ST6GALNAC5: variants seen among roughly 807,000 people sequenced by gnomAD.
ST6GALNAC5 encodes the protein ST6 N-acetylgalactosaminide alpha-2,6-sialyltransferase 5, also known as alpha-N-acetylgalactosaminide alpha-2,6-sialyltransferase 5.
ST6GALNAC5 carries 27 observed loss-of-function variants against 33.6 expected under a neutral mutation model. The observed-to-expected ratio is 0.80, with a 90% CI of 0.59 to 1.11. ST6GALNAC5 has a LOEUF of 1.11. Ranked by LOEUF, ST6GALNAC5 falls within the 50% of genes least tolerant of loss-of-function variation. The pLI is 0.00. For synonymous variants in ST6GALNAC5, 194 were observed against 171.2 expected (o/e 1.13, Z -1.04); for missense variants, 428 against 454.0 (o/e 0.94, Z 0.52).
intron 2 of ST6GALNAC5, among the ~76,000 whole-genome samples, chr1:76,991,599 C>T (rs1040690607): frequency 2.0e-5 from 3 of 152,132 alleles, no homozygotes; most frequent in Non-Finnish European, 2.9e-5. Flanking sequence ...TCTGCTAATT[C>T]TACTCCTTCT....
chr1:76,899,749 T>C (rs189338161), intron 2 of ST6GALNAC5, among the ~76,000 whole-genome samples: 2,317 of 152,118 alleles, frequency 0.015, 52 homozygotes, highest in African/African-American at 0.053. Flanking sequence ...GAGATTGAAG[T>C]GTGGCGCCAA....
At chr1:77,059,942 A>G (rs1349947433) in intron 4 of ST6GALNAC5, among the ~76,000 whole-genome samples, 1 of 151,760 alleles carries the variant, frequency 6.6e-6, no homozygotes, top group Non-Finnish European at 1.5e-5. Flanking sequence ...GACATTGTTT[A>G]TTTTGGTTCA....
chr1:76,874,963 C>T (rs746850157), intron 2 of ST6GALNAC5, among the ~76,000 whole-genome samples: 1 of 152,162 alleles, frequency 6.6e-6, no homozygotes, highest in African/African-American at 2.4e-5. Context: ...ACACCAACCC[C>T]CAACCCAAAT....
chr1:77,023,352 A>G (rs2100439097), intron 2 of ST6GALNAC5, among the ~76,000 whole-genome samples: 1 of 152,320 alleles, frequency 6.6e-6, no homozygotes, highest in South Asian at 2.1e-4. Context: ...ATCCCTAGGT[A>G]CAGCTCTGTG....
At chr1:77,055,551 A>G (rs977857011) in intron 4 of ST6GALNAC5, among the ~76,000 whole-genome samples, 4 of 152,244 alleles carry the variant, frequency 2.6e-5, no homozygotes, top group African/African-American at 4.8e-5. Flanking sequence ...ACAGCTGCCC[A>G]TGGTCATAGG....
intron 2 of ST6GALNAC5, among the ~76,000 whole-genome samples, chr1:77,005,700 T>C (rs879523486): frequency 1.4e-4 from 21 of 152,228 alleles, no homozygotes; most frequent in Non-Finnish European, 7.3e-5. Flanking sequence ...AAACAGTAGC[T>C]GTCCATTTCC....
chr1:77,013,104 G>T (rs1213734053), intron 2 of ST6GALNAC5, among the ~76,000 whole-genome samples: 1 of 152,176 alleles, frequency 6.6e-6, no homozygotes, highest in Non-Finnish European at 1.5e-5. Context: ...GAAGGCAAGG[G>T]CACCCCACAG....
At chr1:76,970,260 G>A (rs1285518339) in intron 2 of ST6GALNAC5, among the ~76,000 whole-genome samples, 3 of 151,994 alleles carry the variant, frequency 2.0e-5, no homozygotes, top group East Asian at 1.9e-4. Flanking sequence ...ACTTCTCTGA[G>A]CTAAAGGAGG....
intron 2 of ST6GALNAC5, among the ~76,000 whole-genome samples, chr1:76,969,254 C>T (rs1290403468): frequency 6.6e-6 from 1 of 152,198 alleles, no homozygotes; most frequent in African/African-American, 2.4e-5. Context: ...CAGGGGATTT[C>T]CCTTTCCTAA....
At chr1:76,938,538 GC>G (rs1647249684) in intron 2 of ST6GALNAC5, among the ~76,000 whole-genome samples, 1 of 152,018 alleles carries the variant, frequency 6.6e-6, no homozygotes, top group South Asian at 2.1e-4. Flanking sequence ...ACAAATGTGG[GC>G]TCATCTTTGT....
chr1:76,978,188 AT>A (rs1188660997), intron 2 of ST6GALNAC5, among the ~76,000 whole-genome samples: 1 of 152,058 alleles, frequency 6.6e-6, no homozygotes, highest in African/African-American at 2.4e-5. Context: ...TTATTTTGTT[AT>A]TGCATTGAGT....
At position 76,868,484 on chromosome 1, in the gene ST6GALNAC5, C is replaced by G. The variant is rs1553163260; in HGVS notation, c.16-13C>G. 16 of 1,597,002 alleles carry G rather than the reference C, an allele frequency of 1.0e-5. No individual in the cohort carries two copies. In the East Asian group the frequency reaches 3.4e-4, roughly 34 times the overall value. On this transcript the variant is annotated splice_polypyrimidine_tract_variant and intron_variant, in intron 1 of 4. Coordinates refer to ENST00000477717, the MANE Select transcript of ST6GALNAC5 (RefSeq NM_030965.3). This position sits in a 1 kb window ranked among gnomAD's most constrained non-coding sequence, Gnocchi z 4.3. ...TCAGCCGCTCTCCTCTTCTCTCTCC[C>G]GCCCGCCCGCAGCGCCATGGTCTGG...
intron 2 of ST6GALNAC5, among the ~76,000 whole-genome samples, chr1:76,963,526 G>T (rs890412702): frequency 1.3e-5 from 2 of 152,126 alleles, no homozygotes; most frequent in African/African-American, 4.8e-5. Flanking sequence ...TGAAGAATGG[G>T]GTGTCCAAAT....
intron 2 of ST6GALNAC5, among the ~76,000 whole-genome samples, chr1:76,960,577 G>A (rs1394318513): frequency 2.0e-5 from 3 of 152,074 alleles, no homozygotes; most frequent in African/African-American, 7.2e-5. Context: ...AATAAGCCTG[G>A]GAGCGATATG....
At chr1:76,987,489 T>C (rs1649556447) in intron 2 of ST6GALNAC5, among the ~76,000 whole-genome samples, 1 of 152,144 alleles carries the variant, frequency 6.6e-6, no homozygotes, top group Non-Finnish European at 1.5e-5. Flanking sequence ...ACGTTGCTGG[T>C]CAGAATGCAA....
chr1:76,942,376 G>A (rs1647364791), intron 2 of ST6GALNAC5, among the ~76,000 whole-genome samples: 2 of 152,092 alleles, frequency 1.3e-5, no homozygotes, highest in Admixed American at 1.3e-4. Context: ...TGTTCTTTTA[G>A]GTTTGGGAAG....
At chr1:76,942,033 G>C (rs1285689791) in intron 2 of ST6GALNAC5, among the ~76,000 whole-genome samples, 1 of 152,096 alleles carries the variant, frequency 6.6e-6, no homozygotes, top group African/African-American at 2.4e-5. Context: ...TGAGTGAGAT[G>C]AAAGTATGGA....
intron 2 of ST6GALNAC5, among the ~76,000 whole-genome samples, chr1:76,937,253 T>C (rs1647218411): frequency 6.6e-6 from 1 of 152,038 alleles, no homozygotes; most frequent in Non-Finnish European, 1.5e-5. Context: ...TTTTGGTTTT[T>C]GATGTTTGAA....
At chr1:76,956,149 T>C (rs1196872291) in intron 2 of ST6GALNAC5, among the ~76,000 whole-genome samples, 6 of 152,138 alleles carry the variant, frequency 3.9e-5, no homozygotes, top group Admixed American at 1.3e-4. Context: ...TCGTCTCCCA[T>C]ACTTTGAAAC....
Sources: gnomAD v4.1 joint callset for allele counts (sites outside exome capture counted in the v4.1 genomes callset) on GRCh38, gnomAD v4.1.1 for gene constraint, Gnocchi (gnomAD v3.1) non-coding constraint, MANE v1.5 for transcripts, NCBI Gene and HGNC (gene_info 2026-07-23, HGNC 2026-07-21) for gene names.